The following COL4A3 variants were observed in gnomAD, a reference collection of about 807,000 sequenced individuals.
COL4A3 encodes collagen type IV alpha 3 chain.
A neutral mutation model predicts 217.4 loss-of-function variants in COL4A3; 135 were observed. That is an observed-to-expected ratio of 0.62 (90% CI 0.54 to 0.72). The LOEUF (loss-of-function observed/expected upper bound fraction) is 0.72, where lower values mean the gene tolerates loss of function less well. Among genes scored for constraint, COL4A3 ranks in the 30% least tolerant of loss-of-function variants. The pLI, the probability that COL4A3 is intolerant of heterozygous loss-of-function variation, is 0.00. For synonymous variants in COL4A3, 690 were observed against 736.3 expected, an observed-to-expected ratio of 0.94 and a Z score of 1.02; for missense variants, 1,868 against 2,119.9, an observed-to-expected ratio of 0.88 and a Z score of 2.33.
At chr2:227,268,023 C>T (rs903593957) in intron 23 of COL4A3, among the ~76,000 whole-genome samples, 2 of 152,180 alleles carry the variant, frequency 1.3e-5, no homozygotes, top group East Asian at 3.9e-4. Context: ...GGTTCCTCTG[C>T]CCCTCGGGCC....
chr2:227,230,911 G>T (rs1574634067), intron 1 of COL4A3, among the ~76,000 whole-genome samples: 1 of 152,152 alleles, frequency 6.6e-6, no homozygotes, highest in East Asian at 1.9e-4. Flanking sequence ...ATAATTTTGA[G>T]TTCACACAAT....
intron 1 of COL4A3, among the ~76,000 whole-genome samples, chr2:227,182,012 T>C (rs1453966749): frequency 6.6e-6 from 1 of 152,222 alleles, no homozygotes; most frequent in Non-Finnish European, 1.5e-5. Context: ...TCTTATTTAA[T>C]CTAAAATATG....
chr2:227,240,715 G>C (rs1033802505), intron 3 of COL4A3, among the ~76,000 whole-genome samples: 1 of 152,070 alleles, frequency 6.6e-6, no homozygotes, highest in South Asian at 2.1e-4. Flanking sequence ...CCATCTTTTA[G>C]GTCTTGTGAC....
chr2:227,206,338 G>T (rs1311253091), intron 1 of COL4A3, among the ~76,000 whole-genome samples: 1 of 152,184 alleles, frequency 6.6e-6, no homozygotes, highest in African/African-American at 2.4e-5. Flanking sequence ...CTCCCGTAGT[G>T]CTGGGATTAC....
At chr2:227,279,614 T>C in intron 28 of COL4A3, 179 bp from the exon 29 acceptor site, 1 of 579,216 alleles carries the variant, frequency 1.7e-6, no homozygotes, top group Non-Finnish European at 3.1e-6. Flanking sequence ...TTTTTTCAAA[T>C]AGGAACCAAT....
intron 1 of COL4A3, among the ~76,000 whole-genome samples, chr2:227,200,379 A>G (rs6739977): frequency 0.14 from 21,342 of 151,490 alleles, 1,695 homozygotes; most frequent in Non-Finnish European, 0.16. Context: ...CTGGTTCTAC[A>G]CAGAGTTTCA....
chr2:227,244,639 A>G (rs1411708276), intron 4 of COL4A3, among the ~76,000 whole-genome samples: 3 of 152,184 alleles, frequency 2.0e-5, no homozygotes, highest in African/African-American at 7.2e-5. Context: ...ACATAGGTCA[A>G]CCTTTGTTAA....
At position 227,304,099 on chromosome 2, in the gene COL4A3, G is replaced by T. The variant is rs1431769783; in HGVS notation, c.4108G>T (p.Gly1370Trp). The T allele has an allele frequency of 1.2e-6, 2 of 1,614,132 alleles. No homozygotes were observed. The highest frequency in any genetic ancestry group is 2.2e-5 in the South Asian group (2 of 91,082). ...GCCACCTGGCACACCTGGAGAACCA[G>T]GGATGCAGGGAGAACCTGGGCCACC... The part of the protein sequence containing the change: ...PGPPGTPGEP[G>W]MQGEPGPPGP... The change falls in exon 46 of 52, where the codon GGG (glycine) becomes TGG (tryptophan). Residue 1370 changes from glycine to tryptophan, a missense_variant. Around this residue, in one of 2 missense-constraint regions of COL4A3, gnomAD observed 1,503 missense variants for 1,786.1 expected, o/e 0.84. Coordinates refer to ENST00000396578, the MANE Select transcript of COL4A3 (RefSeq NM_000091.5).
At chr2:227,238,099 C>A in intron 2 of COL4A3, 75 bp downstream of exon 2, 1 of 969,246 alleles carries the variant, frequency 1.0e-6, no homozygotes, top group South Asian at 1.3e-5. Context: ...CTTCTTTCAT[C>A]GGTAGCAGAA....
chr2:227,245,304 A>T (rs1559861252), intron 5 of COL4A3, among the ~76,000 whole-genome samples: 1 of 91,348 alleles, frequency 1.1e-5, no homozygotes, highest in Non-Finnish European at 2.8e-5. Flanking sequence ...GATCAAAAAT[A>T]TTTAAAAAAA....
intron 1 of COL4A3, among the ~76,000 whole-genome samples, chr2:227,205,320 C>A (rs116225101): frequency 1.3e-5 from 2 of 151,950 alleles, no homozygotes; most frequent in African/African-American, 4.8e-5. Context: ...AGTGTATATA[C>A]GATATTCTAT....
intron 34 of COL4A3, among the ~76,000 whole-genome samples, chr2:227,285,452 T>G (rs528627756): frequency 6.6e-6 from 1 of 152,202 alleles, no homozygotes; most frequent in South Asian, 2.1e-4. Context: ...CATTTCATTT[T>G]TAGCAATGAA....
At chr2:227,170,436 C>T (rs1239087422) in intron 1 of COL4A3, among the ~76,000 whole-genome samples, 1 of 152,016 alleles carries the variant, frequency 6.6e-6, no homozygotes, top group Non-Finnish European at 1.5e-5. Context: ...GGGGAGGCCT[C>T]ACAATCATGG....
chr2:227,181,149 G>C (rs1366481504), intron 1 of COL4A3, among the ~76,000 whole-genome samples: 1 of 152,122 alleles, frequency 6.6e-6, no homozygotes, highest in Non-Finnish European at 1.5e-5. Flanking sequence ...ACCTGGTATA[G>C]AGATATTTCT....
chr2:227,196,453 G>A (rs2066480944), intron 1 of COL4A3, among the ~76,000 whole-genome samples: 1 of 151,124 alleles, frequency 6.6e-6, no homozygotes, highest in South Asian at 2.1e-4. Context: ...GAGTAGCTGG[G>A]ACTACAGGCA....
intron 1 of COL4A3, among the ~76,000 whole-genome samples, chr2:227,223,766 T>G (rs13389392): frequency 0.08 from 11,603 of 145,286 alleles, 673 homozygotes; most frequent in Admixed American, 0.13. Context: ...ATAAGCAAAT[T>G]CTGGTATCAG....
intron 1 of COL4A3, among the ~76,000 whole-genome samples, chr2:227,206,711 T>C (rs1283110400): frequency 6.6e-6 from 1 of 152,152 alleles, no homozygotes; most frequent in Non-Finnish European, 1.5e-5. Context: ...TCACAGGTGA[T>C]TTGTATGCAC....
chr2:227,211,927 A>G (rs2067339101), intron 1 of COL4A3, among the ~76,000 whole-genome samples: 1 of 152,134 alleles, frequency 6.6e-6, no homozygotes, highest in African/African-American at 2.4e-5. Context: ...TTGGCCTCCC[A>G]AAGTGCTAGG....
intron 41 of COL4A3, 35 bp from the exon 42 acceptor site, chr2:227,297,639 C>A (rs1036526091): frequency 4.4e-6 from 7 of 1,581,474 alleles, no homozygotes; most frequent in Non-Finnish European, 5.2e-6. Flanking sequence ...AGCATATGGG[C>A]ATTAAAGAAA....
Sources: allele counts gnomAD v4.1 joint callset (sites outside exome capture counted in the v4.1 genomes callset), GRCh38; gene constraint gnomAD v4.1.1; regional missense constraint gnomAD v4.1.1; transcripts MANE v1.5; gene names NCBI Gene and HGNC (gene_info 2026-07-23, HGNC 2026-07-21).